The following FUT8 variants were observed in gnomAD, a reference collection of about 807,000 sequenced individuals.
The protein encoded by FUT8 is fucosyltransferase 8, also known as alpha-(1,6)-fucosyltransferase.
FUT8 carries 29 observed loss-of-function variants against 71.3 expected under a neutral mutation model. That is an observed-to-expected ratio of 0.41 (90% CI 0.30 to 0.55). The LOEUF is 0.55. FUT8 is among the 20% of genes least tolerant of loss of function. The pLI, the probability that FUT8 is intolerant of heterozygous loss-of-function variation, is 0.34. For synonymous variants in FUT8, 254 were observed against 239.3 expected (o/e 1.06, Z -0.57); for missense variants, 544 against 702.1 (o/e 0.77, Z 2.55).
intron 6 of FUT8, among the ~76,000 whole-genome samples, chr14:65,637,357 A>C (rs1890613951): frequency 6.6e-6 from 1 of 152,150 alleles, no homozygotes; most frequent in Non-Finnish European, 1.5e-5. Flanking sequence ...TTCAAGCCTT[A>C]GTTTTTTAAC....
At chr14:65,532,025 T>C (rs1883990532) in intron 2 of FUT8, among the ~76,000 whole-genome samples, 3 of 152,208 alleles carry the variant, frequency 2.0e-5, no homozygotes, top group South Asian at 4.1e-4. Flanking sequence ...CTACCCTTGA[T>C]AGGCATTTAG....
chr14:65,505,184 C>T (rs879439199), intron 2 of FUT8, among the ~76,000 whole-genome samples: 1 of 151,850 alleles, frequency 6.6e-6, no homozygotes, highest in African/African-American at 2.4e-5. Flanking sequence ...AACCACTTGA[C>T]CTGATTAGTC....
the FUT8 span, among the ~76,000 whole-genome samples, chr14:65,356,921 G>A: frequency 5.3e-5 from 8 of 152,150 alleles, no homozygotes; most frequent in African/African-American, 9.7e-5. The surrounding 1 kb of genome is among the most constrained non-coding windows in gnomAD (Gnocchi z 4.6). Context: ...CCTCTTTTCC[G>A]TGCCACCTGA....
At position 65,627,377 on chromosome 14, in the gene FUT8, A is replaced by G. The variant is rs1160393243; in HGVS notation, c.483-2115A>G. Reference sequence around the variant, plus strand: ...AGAGTGAGAGATCAAGGCAAGTTTTAGAACAGGCATGAGAGTTTATTAAAA... The same window carrying G: ...AGAGTGAGAGATCAAGGCAAGTTTTGGAACAGGCATGAGAGTTTATTAAAA... On this transcript the variant is annotated intron_variant, in intron 5 of 10. Transcript: ENST00000673929. This position sits in a 1 kb window ranked among gnomAD's most constrained non-coding sequence, Gnocchi z 4.0. 2.0e-5 allele frequency among the ~76,000 whole-genome samples: 3 copies of G among 152,196 alleles called. No homozygotes were observed. Among genetic ancestry groups the G allele is most frequent in the Non-Finnish European group, 4.4e-5 (3 of 68,022 alleles).
chr14:65,711,822 A>T (rs917400239), intron 7 of FUT8, among the ~76,000 whole-genome samples: 1 of 152,194 alleles, frequency 6.6e-6, no homozygotes, highest in African/African-American at 2.4e-5. Context: ...AGTTTTATAT[A>T]TCAGAGGGAG....
In FUT8 at chr14:65,660,225, G is replaced by A. The variant is rs1011876947; in HGVS notation, c.598-9018G>A. 2.0e-5 allele frequency among the ~76,000 whole-genome samples: 3 copies of A among 152,072 alleles called. No homozygotes were observed. Among genetic ancestry groups the A allele is most frequent in the African/African-American group, 7.2e-5 (3 of 41,414 alleles). On this transcript the variant is annotated intron_variant, in intron 6 of 10. Coordinates refer to ENST00000673929, the MANE Select transcript of FUT8 (RefSeq NM_001371533.1). This position sits in a 1 kb window ranked among gnomAD's most constrained non-coding sequence, Gnocchi z 4.1. The stretch of plus-strand genomic sequence containing the variant: ...GTTGAGGGTTTTCTAGAGACCACCT[G>A]GAACTCCCAGAGGTAACAGAATACT...
chr14:65,403,100 G>T, the FUT8 span, among the ~76,000 whole-genome samples: 3 of 152,150 alleles, frequency 2.0e-5, no homozygotes, highest in African/African-American at 7.2e-5. Context: ...GATAATTATA[G>T]GGTCTGCAAA....
intron 3 of FUT8, among the ~76,000 whole-genome samples, chr14:65,578,420 G>A (rs1319574210): frequency 6.6e-6 from 1 of 152,118 alleles, no homozygotes; most frequent in Non-Finnish European, 1.5e-5. Context: ...GATTTATTTT[G>A]TTTTTGAAAT....
intron 1 of FUT8, among the ~76,000 whole-genome samples, chr14:65,433,786 T>TCTC (rs143664958): frequency 6.9e-6 from 1 of 144,976 alleles, no homozygotes; most frequent in South Asian, 2.4e-4. Context: ...CTTCTGTCTC[T>TCTC]TCTCTCTCTC....
intron 7 of FUT8, among the ~76,000 whole-genome samples, chr14:65,686,879 T>C (rs1433857892): frequency 6.6e-6 from 1 of 152,234 alleles, no homozygotes; most frequent in Non-Finnish European, 1.5e-5. Flanking sequence ...ACAGTTGTTC[T>C]GTTCATTCAA....
chr14:65,412,422 C>T (rs944962429), upstream of FUT8: 3 of 437,978 alleles, frequency 6.8e-6, no homozygotes. Context: ...GGAGGCGAGT[C>T]TCCTCCCGGG....
intron 2 of FUT8, among the ~76,000 whole-genome samples, chr14:65,528,294 C>T (rs1883653632): frequency 6.6e-6 from 1 of 152,238 alleles, no homozygotes; most frequent in Non-Finnish European, 1.5e-5. Context: ...AGTTCGATCT[C>T]AGACTGCTGT....
intron 1 of FUT8, among the ~76,000 whole-genome samples, chr14:65,431,477 T>G (rs905410391): frequency 6.6e-6 from 1 of 151,668 alleles, no homozygotes. Flanking sequence ...ACCCGGCTTT[T>G]TTTTGGTATT....
chr14:65,677,294 G>GTA (rs1245302115), intron 7 of FUT8, among the ~76,000 whole-genome samples: 1 of 152,014 alleles, frequency 6.6e-6, no homozygotes, highest in Non-Finnish European at 1.5e-5. Flanking sequence ...TGATACTTTG[G>GTA]TATCAGGCTT....
the FUT8 span, among the ~76,000 whole-genome samples, chr14:65,391,563 C>T: frequency 6.6e-6 from 1 of 152,196 alleles, no homozygotes; most frequent in East Asian, 1.9e-4. Context: ...ACCATATTGG[C>T]CAAGCTGGTC....
chr14:65,388,833 G>C, the FUT8 span, among the ~76,000 whole-genome samples: 3 of 152,018 alleles, frequency 2.0e-5, no homozygotes, highest in African/African-American at 4.8e-5. Flanking sequence ...CCACATAATG[G>C]AATATTGTGC....
At chr14:65,542,374 C>G (rs1884726083) in intron 2 of FUT8, among the ~76,000 whole-genome samples, 1 of 152,178 alleles carries the variant, frequency 6.6e-6, no homozygotes, top group African/African-American at 2.4e-5. Flanking sequence ...TATCAGATCC[C>G]TCTGTGTCCT....
chr14:65,656,854 A>G (rs746785642), intron 6 of FUT8, among the ~76,000 whole-genome samples: 3 of 152,308 alleles, frequency 2.0e-5, no homozygotes, highest in Non-Finnish European at 1.5e-5. Context: ...CAAATCTGTT[A>G]TCTACAGTAA....
chr14:65,663,880 G>A (rs544071054), intron 6 of FUT8, among the ~76,000 whole-genome samples: 1 of 152,188 alleles, frequency 6.6e-6, no homozygotes, highest in South Asian at 2.1e-4. Flanking sequence ...AAATGCAGAT[G>A]TGAGTCTTCT....
Sources: gnomAD v4.1 joint callset for allele counts (sites outside exome capture counted in the v4.1 genomes callset) on GRCh38, gnomAD v4.1.1 for gene constraint, Gnocchi (gnomAD v3.1) non-coding constraint, MANE v1.5 for transcripts, NCBI Gene and HGNC (gene_info 2026-07-23, HGNC 2026-07-21) for gene names.